Variants in ERMP1 observed in about 807,000 individuals in gnomAD.
ERMP1 encodes endoplasmic reticulum metallopeptidase 1, also known as Felix-ina.
ERMP1 carries 86 observed loss-of-function variants against 92.0 expected under a neutral mutation model. The observed-to-expected ratio is 0.93, with a 90% CI of 0.79 to 1.12. The LOEUF (loss-of-function observed/expected upper bound fraction) is 1.12, where lower values mean the gene tolerates loss of function less well. ERMP1 is among the 50% of genes most tolerant of loss of function. The pLI is 0.00. For missense variants in ERMP1, 1,342 were observed against 1,116.3 expected, an observed-to-expected ratio of 1.20 and a Z score of -2.88; for synonymous variants, 530 against 412.8, an observed-to-expected ratio of 1.28 and a Z score of -3.44.
chr9:5,835,046 C>T (rs986798022), upstream of ERMP1, among the ~76,000 whole-genome samples: 1 of 148,460 alleles, frequency 6.7e-6, no homozygotes, highest in Admixed American at 6.8e-5. Flanking sequence ...ACATAAGATT[C>T]TCATTAAAAA....
chr9:5,864,847 T>G (rs1231079209), intron 5 of ERMP1, among the ~76,000 whole-genome samples: 1 of 152,150 alleles, frequency 6.6e-6, no homozygotes, highest in African/African-American at 2.4e-5. Flanking sequence ...GGATGGTGAG[T>G]TCCAGTGTGG....
intron 4 of ERMP1, among the ~76,000 whole-genome samples, chr9:5,819,496 T>C (rs1295950320): frequency 6.6e-6 from 1 of 152,208 alleles, no homozygotes; most frequent in Non-Finnish European, 1.5e-5. Flanking sequence ...CAACTGCCTG[T>C]CCAATCTCAG....
At chr9:5,837,140 G>C (rs1830104589), upstream of ERMP1, among the ~76,000 whole-genome samples, 1 of 152,138 alleles carries the variant, frequency 6.6e-6, no homozygotes. Flanking sequence ...AAATGGGGTT[G>C]AGACGATTGG....
intron 5 of ERMP1, among the ~76,000 whole-genome samples, chr9:5,859,858 CTAAG>C (rs1399516736): frequency 6.6e-6 from 1 of 152,194 alleles, no homozygotes; most frequent in East Asian, 1.9e-4. Context: ...TGTATCATTA[CTAAG>C]TATTTAGATT....
In ERMP1 at chr9:5,830,749, A is replaced by G; in HGVS notation, c.618T>C (p.Phe206=). 1.2e-6 allele frequency: 2 copies of G among 1,612,946 alleles called. No homozygotes were observed. Among genetic ancestry groups the G allele is most frequent in the Non-Finnish European group, 1.7e-6 (2 of 1,179,204 alleles). ...AQHAVLANCH[F]DSVANSPGAS... is the part of the protein sequence containing the mutation. ...TACCTGGTGAGTTTGCTACTGAGTC[A>G]AAATGACAATTAGCCAAGACAGCAT... Residue 206 remains phenylalanine (F), a synonymous_variant, in exon 2 of 15, where the codon TTT becomes TTC. Transcript: ENST00000339450.
At chr9:5,803,129 T>TG (rs1219488769) in intron 10 of ERMP1, among the ~76,000 whole-genome samples, 4 of 152,168 alleles carry the variant, frequency 2.6e-5, no homozygotes, top group African/African-American at 9.7e-5. Flanking sequence ...CCCCAAGGAC[T>TG]GAAGGGAAAG....
At chr9:5,829,153 T>C (rs913575990) in intron 2 of ERMP1, among the ~76,000 whole-genome samples, 2 of 144,834 alleles carry the variant, frequency 1.4e-5, no homozygotes, top group African/African-American at 2.6e-5. Context: ...AGGCAGAGGA[T>C]GCAGTGAGCC....
At chr9:5,827,172 C>T (rs190807113) in intron 2 of ERMP1, among the ~76,000 whole-genome samples, 2 of 152,194 alleles carry the variant, frequency 1.3e-5, no homozygotes, top group East Asian at 3.9e-4. Context: ...CCTAGATACA[C>T]AGATGAGAAC....
chr9:5,856,468 C>T (rs530563516), intron 6 of ERMP1: 10 of 169,510 alleles, frequency 5.9e-5, no homozygotes, highest in Non-Finnish European at 1.1e-4. Flanking sequence ...GCAGCCAAGA[C>T]GACCAGAGGG....
chr9:5,785,996 A>C lies in ERMP1; in HGVS notation c.*1148T>G, dbSNP rs1227454604. The C allele has an allele frequency of 1.3e-5, 2 of 152,190 alleles. No homozygotes were observed. Among genetic ancestry groups the C allele is most frequent in the African/African-American group, 4.8e-5 (2 of 41,438 alleles). 9.4% of individuals were successfully genotyped at this position (152,190 alleles called of 1,614,324 possible). On this transcript the variant is annotated 3_prime_UTR_variant, in exon 15 of 15. Transcript: ENST00000339450. ...ATCTTCAAAATGAAAACCACCTTTT[A>C]AGTCCTCATGCTGCCATTACGCAGG... is the stretch of plus-strand genomic sequence containing the variant.
intron 5 of ERMP1, among the ~76,000 whole-genome samples, chr9:5,866,465 T>C (rs1830666604): frequency 1.3e-5 from 2 of 152,176 alleles, no homozygotes; most frequent in Non-Finnish European, 2.9e-5. Context: ...GAGAATGCTA[T>C]TAATATGCAG....
At chr9:5,798,378 G>A (rs530438972) in intron 12 of ERMP1, among the ~76,000 whole-genome samples, 1 of 152,076 alleles carries the variant, frequency 6.6e-6, no homozygotes, top group East Asian at 1.9e-4. Context: ...CACCATGCCC[G>A]GCTAATTTTA....
At chr9:5,794,318 A>G (rs1828325054) in intron 13 of ERMP1, among the ~76,000 whole-genome samples, 1 of 152,134 alleles carries the variant, frequency 6.6e-6, no homozygotes, top group African/African-American at 2.4e-5. Context: ...ATAGCAATGA[A>G]TGCATATATT....
At chr9:5,790,579 T>C (rs543672264) in intron 13 of ERMP1, among the ~76,000 whole-genome samples, 116 of 152,344 alleles carry the variant, frequency 7.6e-4, no homozygotes, top group African/African-American at 2.6e-3. Flanking sequence ...AATAAAGGTA[T>C]GAACAAAGGT....
chr9:5,820,791 C>G (rs1235100551), intron 4 of ERMP1, among the ~76,000 whole-genome samples: 1 of 152,164 alleles, frequency 6.6e-6, no homozygotes, highest in East Asian at 1.9e-4. Flanking sequence ...AAGCACAACT[C>G]CAAACCCAGG....
At chr9:5,794,322 A>T (rs1010275689) in intron 13 of ERMP1, among the ~76,000 whole-genome samples, 1 of 152,150 alleles carries the variant, frequency 6.6e-6, no homozygotes, top group African/African-American at 2.4e-5. Flanking sequence ...CAATGAATGC[A>T]TATATTAGAA....
At chr9:5,813,096 T>A in intron 4 of ERMP1, 61 bp from the exon 5 acceptor site, 1 of 1,577,346 alleles carries the variant, frequency 6.3e-7, no homozygotes, top group Non-Finnish European at 8.7e-7. Flanking sequence ...AACATACTAA[T>A]GTTTTTCAAC....
Position 5,832,854 on chromosome 9 carries a change from G to A in ERMP1, c.174C>T (p.Gly58=), listed in dbSNP as rs1254932119. 4.0e-6 allele frequency: 6 copies of A among 1,509,250 alleles called. No individual in the cohort carries two copies. The highest frequency in any genetic ancestry group is 5.3e-6 in the Non-Finnish European group (6 of 1,137,542). The allele number at this position is 1,509,250 out of a possible 1,614,324, so 93.5% of individuals were successfully genotyped here. A position where few individuals can be genotyped will look rare whatever the true frequency, so the allele number is the denominator to read the frequency against. The change falls in exon 1 of 15, where the codon GGC becomes GGT. Residue 58 remains glycine (G), a synonymous_variant. Coordinates refer to ENST00000339450, the MANE Select transcript of ERMP1 (RefSeq NM_024896.3). ...CGGTCCCCGCGCCCCTGCTCGCGCC[G>A]CCGCTACCCCCGGGGCTCCTCTTCC... is the stretch of plus-strand genomic sequence containing the variant. ...RTRKRSPGGS[G]GASRGAGTGL...
At chr9:5,823,392 T>C (rs1829614862) in intron 4 of ERMP1, among the ~76,000 whole-genome samples, 1 of 152,242 alleles carries the variant, frequency 6.6e-6, no homozygotes, top group Non-Finnish European at 1.5e-5. Context: ...AGGTAAATTT[T>C]CTCATTTTAA....
Sources: gnomAD v4.1 joint callset for allele counts (sites outside exome capture counted in the v4.1 genomes callset) on GRCh38, gnomAD v4.1.1 for gene constraint, MANE v1.5 for transcripts, NCBI Gene and HGNC (gene_info 2026-07-23, HGNC 2026-07-21) for gene names.